Variants in TSHR observed in about 807,000 individuals in gnomAD.
The protein encoded by TSHR is thyrotropin receptor.
A neutral mutation model predicts 64.1 loss-of-function variants in TSHR; 51 were observed. The observed-to-expected ratio is 0.80, with a 90% CI of 0.64 to 1.01. The LOEUF (loss-of-function observed/expected upper bound fraction) is 1.01. TSHR is among the 50% of genes least tolerant of loss of function. TSHR has a pLI of 0.00. For missense variants in TSHR, 877 were observed against 942.8 expected (o/e 0.93, Z 0.91); for synonymous variants, 361 against 361.9 (o/e 1.00, Z 0.03).
intron 1 of TSHR, among the ~76,000 whole-genome samples, chr14:81,034,761 G>T (rs535110203): frequency 7.9e-5 from 12 of 152,270 alleles, no homozygotes; most frequent in African/African-American, 2.4e-4. Context: ...TGCGAAAATT[G>T]TCCTATGACA....
rs1161879777 is a variant in TSHR, at chr14:81,122,020, C to CTTTTTTTTTTTTT, written c.692+13597_692+13609dup. Among the ~76,000 whole-genome samples the CTTTTTTTTTTTTT allele has an allele frequency of 8.9e-5, 4 of 44,904 alleles. 2 individuals carry two copies. The highest frequency in any genetic ancestry group is 1.3e-3 in the East Asian group (2 of 1,524). 29.5% of individuals were successfully genotyped at this position (44,904 alleles called of 152,430 possible). On this transcript the variant is annotated intron_variant, in intron 8 of 9. Transcript: ENST00000298171. ...CTGGTTTGAGATGTGTTTTCTTTTC[C>CTTTTTTTTTTTTT]TTTTTTTTTTTTTTTTTTTTTTTTT...
Position 81,062,156 on chromosome 14 carries a change from T to C in TSHR, c.179T>C (p.Ile60Thr). Residue 60 changes from isoleucine (I) to threonine (T), a missense_variant, in exon 2 of 10, where the codon ATT (isoleucine) becomes ACT (threonine). Transcript: ENST00000298171. ...AACTGTTATTTTCACAGGAAGCTTA[T>C]TGAGACTCACCTGAGAACTATTCCA... ...LPPSTQTLKL[I>T]ETHLRTIPSH... The C allele has an allele frequency of 6.2e-7, 1 of 1,611,496 alleles. No homozygotes were observed. The highest frequency in any genetic ancestry group is 8.5e-7 in the Non-Finnish European group (1 of 1,178,478).
At chr14:81,114,969 C>G (rs1890426823) in intron 8 of TSHR, among the ~76,000 whole-genome samples, 1 of 152,152 alleles carries the variant, frequency 6.6e-6, no homozygotes, top group African/African-American at 2.4e-5. Flanking sequence ...AGCTGAGGGT[C>G]CTGTCTGTTA....
rs71103896 is a variant in TSHR, at chr14:81,067,483, T to TTATATATATATATATATA, written c.243-766_243-749dup. ...TAATTAGTGAAAGGAGTTTATAGTTTTATATATATATATATATATATAGTG... is the reference window on the plus strand; with the variant it reads ...TAATTAGTGAAAGGAGTTTATAGTTTTATATATATATATATATATATATATATATATATATATATAGTG... On this transcript the variant is annotated intron_variant, in intron 2 of 9. Coordinates refer to ENST00000298171, the MANE Select transcript of TSHR (RefSeq NM_000369.5). Among the ~76,000 whole-genome samples the TTATATATATATATATATA allele has an allele frequency of 4.2e-3, 562 of 134,852 alleles. 4 individuals are homozygous for TTATATATATATATATATA. Among genetic ancestry groups the TTATATATATATATATATA allele is most frequent in the African/African-American group, 0.013 (452 of 34,602 alleles). The allele number at this position is 134,852 out of a possible 152,430, so 88.5% of individuals were successfully genotyped here. A position where few individuals can be genotyped will look rare whatever the true frequency, so the allele number is the denominator to read the frequency against.
intron 8 of TSHR, among the ~76,000 whole-genome samples, chr14:81,121,856 C>T (rs1332007397): frequency 2.7e-5 from 4 of 150,726 alleles, no homozygotes; most frequent in African/African-American, 7.3e-5. Flanking sequence ...GTAGGAGAAT[C>T]GTTTGAACCC....
intron 1 of TSHR, among the ~76,000 whole-genome samples, chr14:81,006,566 G>A (rs879888411): frequency 1.3e-5 from 2 of 151,744 alleles, no homozygotes; most frequent in African/African-American, 2.4e-5. Flanking sequence ...AGGCGAGAGC[G>A]CAGTGGTGCA....
chr14:81,062,270 C>A, intron 2 of TSHR, 51 bp downstream of exon 2: 1 of 1,385,646 alleles, frequency 7.2e-7, no homozygotes, highest in African/African-American at 1.4e-5. Flanking sequence ...ATGTTATTCT[C>A]TAAACGTGTT....
intron 4 of TSHR, 35 bp from the exon 5 acceptor site, chr14:81,091,034 C>G: frequency 1.3e-6 from 2 of 1,564,046 alleles, no homozygotes; most frequent in Middle Eastern, 1.7e-4. Flanking sequence ...TACCTAAATT[C>G]TATGCTTTTT....
chr14:81,000,875 C>T (rs1389094202), intron 1 of TSHR, among the ~76,000 whole-genome samples: 2 of 152,216 alleles, frequency 1.3e-5, no homozygotes, highest in African/African-American at 4.8e-5. Flanking sequence ...CAGTGGCAGC[C>T]TCTGTCTCTC....
At position 81,103,201 on chromosome 14, in the gene TSHR, A is replaced by G; in HGVS notation, c.615-5174A>G. On this transcript the variant is annotated intron_variant, in intron 7 of 9. Transcript: ENST00000298171. The surrounding 1 kb of genome is among the most constrained non-coding windows in gnomAD (Gnocchi z 4.1). ...ATGGTAATAATAAAATAGTATTCAC[A>G]TTGTGTTTTTAACATAGGGATGTTG... 3.0e-6 allele frequency: 3 copies of G among 985,462 alleles called. No individual in the cohort carries two copies. The highest frequency in any genetic ancestry group is 4.7e-5 in the South Asian group (1 of 21,288). 61.0% of individuals were successfully genotyped at this position (985,462 alleles called of 1,614,324 possible).
intron 8 of TSHR, among the ~76,000 whole-genome samples, chr14:81,127,809 T>A (rs1263733078): frequency 6.6e-6 from 1 of 152,180 alleles, no homozygotes; most frequent in East Asian, 1.9e-4. Flanking sequence ...CGTGGAACTG[T>A]GAGTCCACAT....
intron 1 of TSHR, among the ~76,000 whole-genome samples, chr14:80,963,829 TC>T (rs1887161554): frequency 6.6e-6 from 1 of 152,210 alleles, no homozygotes; most frequent in Non-Finnish European, 1.5e-5. Context: ...GGAGAGACCT[TC>T]TGCTTCTGTT....
At chr14:81,082,390 G>C (rs1887968597) in intron 3 of TSHR, among the ~76,000 whole-genome samples, 1 of 152,204 alleles carries the variant, frequency 6.6e-6, no homozygotes, top group Non-Finnish European at 1.5e-5. Flanking sequence ...AGTTTGTCCT[G>C]CCTCTGTATC....
intron 3 of TSHR, among the ~76,000 whole-genome samples, chr14:81,074,140 C>T (rs370385763): frequency 2.5e-4 from 38 of 151,934 alleles, no homozygotes; most frequent in African/African-American, 8.9e-4. Flanking sequence ...CTATTAAATA[C>T]AGTAATTAAA....
At chr14:81,054,510 AG>A (rs900487119) in intron 1 of TSHR, among the ~76,000 whole-genome samples, 2 of 152,244 alleles carry the variant, frequency 1.3e-5, no homozygotes, top group African/African-American at 4.8e-5. Context: ...AATGTGGGAA[AG>A]TTTGGAACTT....
At chr14:81,027,998 C>T (rs935681056) in intron 1 of TSHR, among the ~76,000 whole-genome samples, 6 of 151,876 alleles carry the variant, frequency 4.0e-5, no homozygotes, top group African/African-American at 1.5e-4. Flanking sequence ...ATGAGTGTAG[C>T]AGAAAAGAAA....
At chr14:81,137,113 C>T (rs1441499550) in intron 8 of TSHR, among the ~76,000 whole-genome samples, 1 of 152,186 alleles carries the variant, frequency 6.6e-6, no homozygotes, top group African/African-American at 2.4e-5. Context: ...GCTTCTGAAT[C>T]ACCTGGAGAG....
intron 1 of TSHR, among the ~76,000 whole-genome samples, chr14:80,978,161 T>G (rs1254864683): frequency 6.6e-6 from 1 of 151,096 alleles, no homozygotes; most frequent in African/African-American, 2.4e-5. Context: ...AGCATGAACA[T>G]TGCACAGGCC....
chr14:80,969,006 T>A (rs567404739), intron 1 of TSHR, among the ~76,000 whole-genome samples: 1 of 152,172 alleles, frequency 6.6e-6, no homozygotes, highest in East Asian at 1.9e-4. Context: ...AAAATTTGAA[T>A]GTTAGGTTAC....
Sources: gnomAD v4.1 joint callset for allele counts (sites outside exome capture counted in the v4.1 genomes callset) on GRCh38, gnomAD v4.1.1 for gene constraint, Gnocchi (gnomAD v3.1) non-coding constraint, MANE v1.5 for transcripts, NCBI Gene and HGNC (gene_info 2026-07-23, HGNC 2026-07-21) for gene names.